ARHGAP5: variants seen among roughly 807,000 people sequenced by gnomAD.
ARHGAP5 encodes the protein Rho GTPase activating protein 5.
A neutral mutation model predicts 116.6 loss-of-function variants in ARHGAP5; 23 were observed. That is an observed-to-expected ratio of 0.20 (90% CI 0.14 to 0.28). The LOEUF (loss-of-function observed/expected upper bound fraction) is 0.28, where lower values mean the gene tolerates loss of function less well. ARHGAP5 is among the 10% of genes least tolerant of loss of function. The pLI is 1.00. For synonymous variants in ARHGAP5, 574 were observed against 602.0 expected (o/e 0.95, Z 0.68); for missense variants, 1,405 against 1,774.8 (o/e 0.79, Z 3.74).
In ARHGAP5 at chr14:32,117,177, G is replaced by T; in HGVS notation, c.3755G>T (p.Arg1252Leu). 6.2e-7 allele frequency: 1 copy of T among 1,611,210 alleles called. No individual in the cohort carries two copies. Among genetic ancestry groups the T allele is most frequent in the Non-Finnish European group, 8.5e-7 (1 of 1,178,482 alleles). ...KKTKNFNPPTRRNWESNYFGM... is the reference protein window; with the variant it reads ...KKTKNFNPPTLRNWESNYFGM... ...ACTAAGAACTTCAATCCACCAACAC[G>T]TAGAAATTGGGAAAGTAATTACTTT... The change falls in exon 3 of 7, where the codon CGT becomes CTT. Residue 1252 changes from arginine to leucine, a missense_variant. Coordinates refer to ENST00000345122, the MANE Select transcript of ARHGAP5 (RefSeq NM_001030055.2).
At chr14:32,084,426 A>G (rs2041808673) in intron 1 of ARHGAP5, among the ~76,000 whole-genome samples, 1 of 152,136 alleles carries the variant, frequency 6.6e-6, no homozygotes, top group Non-Finnish European at 1.5e-5. Context: ...ACTAGATGTA[A>G]TGGGCCCAAA....
intron 3 of ARHGAP5, among the ~76,000 whole-genome samples, chr14:32,126,502 C>G (rs953744779): frequency 1.3e-5 from 2 of 152,174 alleles, no homozygotes; most frequent in Non-Finnish European, 2.9e-5. Context: ...GGACCTCACC[C>G]TACTCCAATA....
chr14:32,150,885 T>C (rs1566686246), intron 5 of ARHGAP5, among the ~76,000 whole-genome samples: 1 of 152,212 alleles, frequency 6.6e-6, no homozygotes, highest in Non-Finnish European at 1.5e-5. Context: ...AGATATTCAT[T>C]TATCTGGAAA....
rs1878962181 is a variant in ARHGAP5 at position 32,105,332 on chromosome 14, C to A, written c.3717+10946C>A. ...TTATCATACTCGACTGTTTATCATT[C>A]ATTATTCTGCTATAAAATGTGTTGC... On this transcript the variant is annotated intron_variant, in intron 2 of 6. Coordinates refer to ENST00000345122, the MANE Select transcript of ARHGAP5 (RefSeq NM_001030055.2). Among the ~76,000 whole-genome samples, 2 of 152,140 alleles carry A rather than the reference C, an allele frequency of 1.3e-5. 1 individual carries two copies. Among genetic ancestry groups the A allele is most frequent in the South Asian group, 4.1e-4 (2 of 4,826 alleles).
intron 3 of ARHGAP5, among the ~76,000 whole-genome samples, chr14:32,135,629 G>T (rs1351870568): frequency 6.6e-6 from 1 of 152,178 alleles, no homozygotes; most frequent in Non-Finnish European, 1.5e-5. Flanking sequence ...CACCATGTTG[G>T]CCAGGCTGGT....
intron 6 of ARHGAP5, among the ~76,000 whole-genome samples, chr14:32,153,196 CTTT>C: frequency 6.7e-6 from 1 of 150,116 alleles, no homozygotes; most frequent in Admixed American, 6.6e-5. Context: ...TTCTTATAAC[CTTT>C]CCCTGAGAAA....
intron 4 of ARHGAP5, among the ~76,000 whole-genome samples, chr14:32,147,415 A>C (rs572844111): frequency 6.6e-6 from 1 of 152,236 alleles, no homozygotes; most frequent in Non-Finnish European, 1.5e-5. Context: ...CTTAGCCTCT[A>C]TTAATGATAA....
rs545270379 is a variant in ARHGAP5 at position 32,157,156 on chromosome 14, C to T, written c.*2208C>T. ...CATAGTGAGTCATTTAAATACTCTA[C>T]GTTTGGTTCAATTAACCAGTAGGTT... On this transcript the variant is annotated 3_prime_UTR_variant, in exon 7 of 7. Coordinates refer to ENST00000345122, the MANE Select transcript of ARHGAP5 (RefSeq NM_001030055.2). 17 of 152,226 alleles carry T rather than the reference C, an allele frequency of 1.1e-4. No individual in the cohort carries two copies. In the South Asian group the frequency reaches 1.5e-3, roughly 13 times the overall value. The allele number at this position is 152,226 out of a possible 1,614,324, so 9.4% of individuals were successfully genotyped here. A position where few individuals can be genotyped will look rare whatever the true frequency, so the allele number is the denominator to read the frequency against.
At chr14:32,118,423 G>C (rs2139073218) in intron 3 of ARHGAP5, among the ~76,000 whole-genome samples, 1 of 152,156 alleles carries the variant, frequency 6.6e-6, no homozygotes, top group East Asian at 1.9e-4. Flanking sequence ...CTCGAACCCA[G>C]GAGGTGAAGG....
intron 3 of ARHGAP5, among the ~76,000 whole-genome samples, chr14:32,133,732 G>C (rs1041227015): frequency 3.6e-4 from 54 of 152,018 alleles, no homozygotes; most frequent in African/African-American, 1.1e-3. Flanking sequence ...TCATAGATAG[G>C]TCTTATTATT....
At chr14:32,143,242 A>ATTATTG (rs954854857) in intron 3 of ARHGAP5, among the ~76,000 whole-genome samples, 1 of 112,458 alleles carries the variant, frequency 8.9e-6, no homozygotes, top group African/African-American at 3.3e-5. Context: ...TGTTGTTGTT[A>ATTATTG]TTATTATTAT....
At chr14:32,150,960 G>A (rs539257473) in intron 5 of ARHGAP5, among the ~76,000 whole-genome samples, 14 of 152,164 alleles carry the variant, frequency 9.2e-5, no homozygotes, top group Non-Finnish European at 1.9e-4. Context: ...CAAAAAATTA[G>A]CACAGTTGCT....
chr14:32,092,185 C>T lies in ARHGAP5; in HGVS notation c.1516C>T (p.Leu506Phe). ...TTCTGAACTTTTTTATGATTTAGAT[C>T]TTAATGCAACACCTAGTTCAGATAA... is the stretch of plus-strand genomic sequence containing the variant. ...EHSELFYDLD[L>F]NATPSSDKMS... Residue 506 changes from leucine (L) to phenylalanine (F), a missense_variant, in exon 2 of 7, where the codon CTT (leucine) becomes TTT (phenylalanine). Transcript: ENST00000345122. This position sits in a 1 kb window ranked among gnomAD's most constrained non-coding sequence, Gnocchi z 4.1. 6.2e-7 allele frequency: 1 copy of T among 1,613,620 alleles called. No homozygotes were observed. The highest frequency in any genetic ancestry group is 8.5e-7 in the Non-Finnish European group (1 of 1,179,732).
At chr14:32,149,858 A>G (rs1341870953) in intron 4 of ARHGAP5, 44 bp from the exon 5 acceptor site, 11 of 1,189,432 alleles carry the variant, frequency 9.2e-6, no homozygotes, top group Non-Finnish European at 1.2e-5. Flanking sequence ...CTTCTATAAT[A>G]AAGTTTTATT....
At chr14:32,116,739 C>A (rs1879620099) in intron 2 of ARHGAP5, among the ~76,000 whole-genome samples, 1 of 152,120 alleles carries the variant, frequency 6.6e-6, no homozygotes, top group Non-Finnish European at 1.5e-5. Context: ...TACGTTCTTA[C>A]AAATATAGAT....
At chr14:32,129,978 G>T (rs1880386456) in intron 3 of ARHGAP5, among the ~76,000 whole-genome samples, 1 of 152,144 alleles carries the variant, frequency 6.6e-6, no homozygotes. Flanking sequence ...AGGAAGGATT[G>T]CCTGATCCCG....
intron 4 of ARHGAP5, among the ~76,000 whole-genome samples, chr14:32,149,069 A>T (rs2139145013): frequency 6.6e-6 from 1 of 152,242 alleles, no homozygotes; most frequent in South Asian, 2.1e-4. Flanking sequence ...ATTTTGGAGT[A>T]TGTGGATTTT....
intron 3 of ARHGAP5, among the ~76,000 whole-genome samples, chr14:32,128,389 G>A (rs1217414389): frequency 6.6e-6 from 1 of 152,248 alleles, no homozygotes; most frequent in African/African-American, 2.4e-5. Context: ...AGCATGGGCT[G>A]GGCTCCCAAA....
In ARHGAP5 at chr14:32,158,400, T is replaced by A. The variant is rs1450261384; in HGVS notation, c.*3452T>A. ...CTAAGACTAAGATCTTACCTGGATG[T>A]GATTTTTGAGCTGTGGCTAGACATT... is the stretch of plus-strand genomic sequence containing the variant. On this transcript the variant is annotated 3_prime_UTR_variant, in exon 7 of 7. Coordinates refer to ENST00000345122, the MANE Select transcript of ARHGAP5 (RefSeq NM_001030055.2). The A allele has an allele frequency of 2.6e-5, 4 of 151,952 alleles. No homozygotes were observed. The highest frequency in any genetic ancestry group is 6.6e-5 in the Admixed American group (1 of 15,248). The allele number at this position is 151,952 out of a possible 1,614,324, so 9.4% of individuals were successfully genotyped here. A position where few individuals can be genotyped will look rare whatever the true frequency, so the allele number is the denominator to read the frequency against.
Sources: allele counts gnomAD v4.1 joint callset (sites outside exome capture counted in the v4.1 genomes callset), GRCh38; gene constraint gnomAD v4.1.1; non-coding constraint Gnocchi (gnomAD v3.1); transcripts MANE v1.5; gene names NCBI Gene and HGNC (gene_info 2026-07-23, HGNC 2026-07-21).